Variants in COLEC10 observed in about 807,000 individuals in gnomAD.
COLEC10 encodes collectin-10.
Under a neutral mutation model 28.4 loss-of-function variants are expected in COLEC10, and 22 were observed. The observed-to-expected ratio is 0.78, with a 90% CI of 0.55 to 1.11. The LOEUF is 1.11. Among genes scored for constraint, COLEC10 ranks in the 50% least tolerant of loss-of-function variants. The pLI is 0.00. For missense variants in COLEC10, 361 were observed against 344.1 expected, an observed-to-expected ratio of 1.05 and a Z score of -0.39; for synonymous variants, 125 against 116.1, an observed-to-expected ratio of 1.08 and a Z score of -0.49.
intron 1 of COLEC10, among the ~76,000 whole-genome samples, chr8:118,997,290 G>C (rs1302150518): frequency 6.6e-6 from 1 of 151,904 alleles, no homozygotes; most frequent in African/African-American, 2.4e-5. Context: ...TTCGTTCCCT[G>C]TGCAGAGGCT....
At chr8:119,062,629 G>A (rs187643203), upstream of COLEC10, among the ~76,000 whole-genome samples, 2 of 152,090 alleles carry the variant, frequency 1.3e-5, no homozygotes, top group Non-Finnish European at 2.9e-5. Context: ...ACAAGCATGT[G>A]TCACTATGCC....
chr8:119,039,354 T>C (rs545445968), intron 2 of COLEC10, among the ~76,000 whole-genome samples: 1 of 152,278 alleles, frequency 6.6e-6, no homozygotes, highest in Non-Finnish European at 1.5e-5. Context: ...CATAGCTTAA[T>C]GCACTTCCCC....
At chr8:118,992,511 A>T (rs17831286), upstream of COLEC10, among the ~76,000 whole-genome samples, 1 of 152,158 alleles carries the variant, frequency 6.6e-6, no homozygotes, top group Non-Finnish European at 1.5e-5. Context: ...CGATGGGCAG[A>T]CAGAAATCTG....
At chr8:118,961,699 A>C in the COLEC10 span, among the ~76,000 whole-genome samples, 1 of 152,130 alleles carries the variant, frequency 6.6e-6, no homozygotes, top group Non-Finnish European at 1.5e-5. Context: ...TCTGCGTCAA[A>C]GTGGTGTTGG....
At chr8:118,963,487 C>T in the COLEC10 span, among the ~76,000 whole-genome samples, 1 of 152,314 alleles carries the variant, frequency 6.6e-6, no homozygotes. Context: ...CACAACCTGT[C>T]TACTTTTATA....
At chr8:119,088,511 G>C (rs1815527652) in intron 1 of COLEC10, among the ~76,000 whole-genome samples, 1 of 152,104 alleles carries the variant, frequency 6.6e-6, no homozygotes, top group Non-Finnish European at 1.5e-5. Context: ...TTTTTTCCTG[G>C]ATAAATCAAT....
rs1398961007 is a variant in COLEC10 at position 119,085,659 on chromosome 8, C to T, written c.149-4021C>T. On this transcript the variant is annotated intron_variant, in intron 1 of 5. Coordinates refer to ENST00000332843, the MANE Select transcript of COLEC10 (RefSeq NM_006438.5). Reference sequence around the variant, plus strand: ...TGTTGTTGCTGTTGAGATGCAGTCTCGCTCTATCACCAGGCTGGGGTGCAG... The same window carrying T: ...TGTTGTTGCTGTTGAGATGCAGTCTTGCTCTATCACCAGGCTGGGGTGCAG... Among the ~76,000 whole-genome samples, 5 of 128,828 alleles carry T rather than the reference C, an allele frequency of 3.9e-5. No individual in the cohort carries two copies. The Admixed American group carries it at 4.0e-4, about 10-fold the overall frequency. The allele number at this position is 128,828 out of a possible 152,430, so 84.5% of individuals were successfully genotyped here. A position where few individuals can be genotyped will look rare whatever the true frequency, so the allele number is the denominator to read the frequency against.
chr8:119,039,274 C>A (rs1046738833), intron 2 of COLEC10, among the ~76,000 whole-genome samples: 2 of 152,168 alleles, frequency 1.3e-5, no homozygotes, highest in African/African-American at 2.4e-5. Context: ...CTGCAGTTTT[C>A]AATATGAAAT....
the COLEC10 span, among the ~76,000 whole-genome samples, chr8:118,985,802 A>C: frequency 6.6e-6 from 1 of 152,164 alleles, no homozygotes; most frequent in Non-Finnish European, 1.5e-5. Context: ...TCCAGGTGGA[A>C]GAGGACTCAT....
At chr8:119,001,923 C>A (rs946978283) in intron 1 of COLEC10, among the ~76,000 whole-genome samples, 2 of 152,138 alleles carry the variant, frequency 1.3e-5, no homozygotes, top group African/African-American at 2.4e-5. Context: ...TGAGCTTTGG[C>A]AATCAAAAAT....
At chr8:118,964,102 T>C in the COLEC10 span, among the ~76,000 whole-genome samples, 5 of 152,306 alleles carry the variant, frequency 3.3e-5, no homozygotes, top group East Asian at 9.6e-4. Flanking sequence ...GGAGGACCTC[T>C]TTAAGGAAAT....
At chr8:119,053,054 G>T (rs939225939) in intron 2 of COLEC10, among the ~76,000 whole-genome samples, 5 of 152,084 alleles carry the variant, frequency 3.3e-5, no homozygotes, top group Non-Finnish European at 5.9e-5. Context: ...AGAGAATTCT[G>T]ATGAGCAGGA....
intron 1 of COLEC10, among the ~76,000 whole-genome samples, chr8:119,008,294 A>G (rs921348853): frequency 4.0e-5 from 6 of 150,816 alleles, no homozygotes; most frequent in Non-Finnish European, 7.4e-5. Context: ...AACTTAGATG[A>G]TGGTGAATGC....
At chr8:118,973,168 G>C in the COLEC10 span, among the ~76,000 whole-genome samples, 1 of 151,992 alleles carries the variant, frequency 6.6e-6, no homozygotes, top group Non-Finnish European at 1.5e-5. Flanking sequence ...ATCATGGCTT[G>C]AGCTTCCTAA....
intron 2 of COLEC10, among the ~76,000 whole-genome samples, chr8:119,046,791 CACAA>C (rs540330306): frequency 3.9e-4 from 59 of 152,236 alleles, no homozygotes; most frequent in Non-Finnish European, 6.6e-4. Flanking sequence ...TCTGCTTGCA[CACAA>C]ACAAACAAAA....
chr8:119,103,871 A>G lies in COLEC10; in HGVS notation c.418A>G (p.Thr140Ala), dbSNP rs764572012. 3.7e-6 allele frequency: 6 copies of G among 1,611,632 alleles called. No individual in the cohort carries two copies. The Admixed American group carries it at 5.0e-5, about 13-fold the overall frequency. The change falls in exon 5 of 6, where the codon ACA becomes GCA. Residue 140 changes from threonine (T) to alanine (A), a missense_variant. Thr to Ala is a moderately conservative substitution (Grantham distance 58). Coordinates refer to ENST00000332843, the MANE Select transcript of COLEC10 (RefSeq NM_006438.5). Reference protein sequence around the residue: ...QLDISIARLKTSMKFVKNVIA... With the variant: ...QLDISIARLKASMKFVKNVIA... Reference sequence around the variant, plus strand: ...GGATATTAGTATTGCTCGGCTCAAGACATCTATGAAGTTTGTCAAGAATGG... The same window carrying G: ...GGATATTAGTATTGCTCGGCTCAAGGCATCTATGAAGTTTGTCAAGAATGG...
chr8:119,081,239 A>G (rs1267137464), intron 1 of COLEC10, among the ~76,000 whole-genome samples: 1 of 152,194 alleles, frequency 6.6e-6, no homozygotes. Flanking sequence ...CTGCATTTAC[A>G]GCATCTTTGG....
chr8:119,021,297 C>G (rs888921805), intron 2 of COLEC10, among the ~76,000 whole-genome samples: 11 of 152,178 alleles, frequency 7.2e-5, no homozygotes, highest in Admixed American at 2.0e-4. Flanking sequence ...TTTATGCTAA[C>G]ATGACTTAAA....
chr8:119,036,852 G>A (rs114348930), intron 2 of COLEC10, among the ~76,000 whole-genome samples: 1,699 of 152,258 alleles, frequency 0.011, 35 homozygotes, highest in African/African-American at 0.039. Flanking sequence ...AAGCTATAAT[G>A]GAGAGAGGAG....
Sources: gnomAD v4.1 joint callset for allele counts (sites outside exome capture counted in the v4.1 genomes callset) on GRCh38, gnomAD v4.1.1 for gene constraint, MANE v1.5 for transcripts, NCBI Gene and HGNC (gene_info 2026-07-23, HGNC 2026-07-21) for gene names.